Variants in CAST observed in about 807,000 individuals in gnomAD.
The protein encoded by CAST is calpastatin.
A neutral mutation model predicts 119.6 loss-of-function variants in CAST; 76 were observed. That is an observed-to-expected ratio of 0.64 (90% CI 0.53 to 0.77). CAST has a LOEUF of 0.77. Ranked by LOEUF, CAST falls within the 30% of genes least tolerant of loss-of-function variation. The pLI is 0.00. For missense variants in CAST, 953 were observed against 946.5 expected (o/e 1.01, Z -0.09); for synonymous variants, 319 against 331.6 (o/e 0.96, Z 0.41).
At chr5:96,345,916 A>G in the CAST span, among the ~76,000 whole-genome samples, 1 of 152,330 alleles carries the variant, frequency 6.6e-6, no homozygotes, top group East Asian at 1.9e-4. Flanking sequence ...CCCATGTAAA[A>G]GTGACATCCC....
At chr5:96,156,875 A>C in the CAST span, among the ~76,000 whole-genome samples, 1 of 152,220 alleles carries the variant, frequency 6.6e-6, no homozygotes. Context: ...AACTGCCTAC[A>C]GCAAAGGTCT....
the CAST span, among the ~76,000 whole-genome samples, chr5:96,362,116 G>A: frequency 1.3e-5 from 2 of 152,050 alleles, no homozygotes; most frequent in African/African-American, 4.8e-5. Context: ...AGTTTGCTGA[G>A]AATGATGGTT....
intron 2 of CAST, among the ~76,000 whole-genome samples, chr5:96,682,062 A>G (rs1474699733): frequency 6.6e-6 from 1 of 152,182 alleles, no homozygotes; most frequent in African/African-American, 2.4e-5. Context: ...TACTGTGCCT[A>G]TTTTAGAAAT....
chr5:96,268,209 A>G, the CAST span, among the ~76,000 whole-genome samples: 1 of 152,232 alleles, frequency 6.6e-6, no homozygotes, highest in Non-Finnish European at 1.5e-5. Context: ...ATAAGCAACA[A>G]AATGGAAGTA....
At chr5:96,178,490 T>C in the CAST span, among the ~76,000 whole-genome samples, 1 of 152,200 alleles carries the variant, frequency 6.6e-6, no homozygotes, top group African/African-American at 2.4e-5. Context: ...AATGGTGCCT[T>C]TGAAAATGAG....
chr5:96,349,172 T>G, the CAST span, among the ~76,000 whole-genome samples: 1 of 140,652 alleles, frequency 7.1e-6, no homozygotes, highest in Non-Finnish European at 1.5e-5. Flanking sequence ...GTTATCAGTA[T>G]AAACTGTTCC....
chr5:96,394,414 G>A, the CAST span, among the ~76,000 whole-genome samples: 1 of 152,142 alleles, frequency 6.6e-6, no homozygotes, highest in African/African-American at 2.4e-5. Flanking sequence ...ATAAAAAGAA[G>A]CCTACATGAT....
the CAST span, among the ~76,000 whole-genome samples, chr5:96,383,168 A>G: frequency 2.6e-5 from 4 of 152,310 alleles, no homozygotes; most frequent in Admixed American, 1.3e-4. Context: ...GGCTGCTATT[A>G]TGATGATCAG....
chr5:96,134,500 A>G, the CAST span, among the ~76,000 whole-genome samples: 2 of 152,214 alleles, frequency 1.3e-5, no homozygotes, highest in Non-Finnish European at 2.9e-5. Flanking sequence ...CTGGGCCTTT[A>G]GGGCGACCCA....
chr5:96,425,048 G>T, the CAST span, among the ~76,000 whole-genome samples: 3 of 123,866 alleles, frequency 2.4e-5, no homozygotes, highest in African/African-American at 8.6e-5. Flanking sequence ...AAGAAAGAAA[G>T]AAAGAAAGAA....
the CAST span, among the ~76,000 whole-genome samples, chr5:95,969,219 T>C: frequency 3.3e-5 from 5 of 152,118 alleles, no homozygotes; most frequent in African/African-American, 4.8e-5. Context: ...CTTTTAGTAT[T>C]GGGTTAAGGA....
the CAST span, among the ~76,000 whole-genome samples, chr5:96,222,994 A>G: frequency 1.3e-5 from 2 of 152,178 alleles, no homozygotes; most frequent in African/African-American, 2.4e-5. Flanking sequence ...ATGTTAAGTG[A>G]AATAAACCAG....
At chr5:96,517,599 G>T in the CAST span, among the ~76,000 whole-genome samples, 1 of 152,206 alleles carries the variant, frequency 6.6e-6, no homozygotes, top group Non-Finnish European at 1.5e-5. Flanking sequence ...GACGAGTTGT[G>T]TCAGAAGGCT....
At chr5:96,559,987 G>A (rs1382602902) in intron 1 of CAST, among the ~76,000 whole-genome samples, 1 of 152,126 alleles carries the variant, frequency 6.6e-6, no homozygotes, top group Non-Finnish European at 1.5e-5. Context: ...AAAACAGCAT[G>A]GTACTGGTAC....
chr5:96,168,682 T>C, the CAST span, among the ~76,000 whole-genome samples: 1 of 151,874 alleles, frequency 6.6e-6, no homozygotes, highest in African/African-American at 2.4e-5. Context: ...GAAGGAAATA[T>C]GGGGAAATGG....
the CAST span, among the ~76,000 whole-genome samples, chr5:96,403,714 G>A: frequency 1.3e-5 from 2 of 152,208 alleles, no homozygotes; most frequent in Non-Finnish European, 2.9e-5. Context: ...AAATTCCAGA[G>A]TGAAAAGTCT....
chr5:96,663,248 G>C, intron 1 of CAST: 1 of 702,188 alleles, frequency 1.4e-6, no homozygotes, highest in Non-Finnish European at 2.6e-6. Context: ...CCTTCTGGGC[G>C]TGCGGATGAA....
chr5:96,151,343 T>C, the CAST span, among the ~76,000 whole-genome samples: 49 of 152,310 alleles, frequency 3.2e-4, no homozygotes, highest in Non-Finnish European at 5.7e-4. Context: ...TGTTGAATTA[T>C]AAAACCGTGA....
the CAST span, among the ~76,000 whole-genome samples, chr5:96,220,306 C>T: frequency 1.3e-5 from 2 of 152,084 alleles, no homozygotes; most frequent in Admixed American, 1.3e-4. Flanking sequence ...TGTTTTGTGC[C>T]CCCTCTTCAT....
Sources: allele counts gnomAD v4.1 joint callset (sites outside exome capture counted in the v4.1 genomes callset), GRCh38; gene constraint gnomAD v4.1.1; transcripts MANE v1.5; gene names NCBI Gene and HGNC (gene_info 2026-07-23, HGNC 2026-07-21).